USP8: variants seen among roughly 807,000 people sequenced by gnomAD.
USP8 encodes ubiquitin carboxyl-terminal hydrolase 8.
A neutral mutation model predicts 130.0 loss-of-function variants in USP8; 27 were observed. The ratio of observed to expected loss-of-function variants is 0.21; its 90% CI spans 0.15 to 0.29. USP8 has a LOEUF of 0.29. Ranked by LOEUF, USP8 falls within the 10% of genes least tolerant of loss-of-function variation. USP8 has a pLI of 1.00. For synonymous variants in USP8, 392 were observed against 444.1 expected, an observed-to-expected ratio of 0.88 and a Z score of 1.48; for missense variants, 1,029 against 1,312.2, an observed-to-expected ratio of 0.78 and a Z score of 3.33.
chr15:50,490,411 A>T lies in USP8; in HGVS notation c.2120A>T (p.Asp707Val). ...AAGCCACAGATTCCTGCTGAGCGGG[A>T]TAGGGAACCTTCCAAACTGAAGCGC... ...KAKPQIPAER[D>V]REPSKLKRSY... Residue 707 changes from aspartate (D) to valine (V), a missense_variant, in exon 14 of 20, where the codon GAT becomes GTT. Asp to Val is a radical substitution (Grantham distance 152, BLOSUM62 -3). Coordinates refer to ENST00000307179, the MANE Select transcript of USP8 (RefSeq NM_005154.5). The T allele has an allele frequency of 1.2e-6, 2 of 1,614,098 alleles. No homozygotes were observed. Among genetic ancestry groups the T allele is most frequent in the Non-Finnish European group, 8.5e-7 (1 of 1,180,016 alleles).
At chr15:50,428,417 T>G (rs1401726727) in intron 1 of USP8, among the ~76,000 whole-genome samples, 1 of 152,204 alleles carries the variant, frequency 6.6e-6, no homozygotes, top group African/African-American at 2.4e-5. Flanking sequence ...ACGCCGGGCC[T>G]ACAATTTAGT....
chr15:50,442,976 A>G (rs945770360), intron 3 of USP8, among the ~76,000 whole-genome samples: 2 of 152,274 alleles, frequency 1.3e-5, no homozygotes, highest in Admixed American at 6.5e-5. Flanking sequence ...ATTGGCTTCT[A>G]TTGTTTAAAT....
In USP8 at chr15:50,490,378, A is replaced by T; in HGVS notation, c.2087A>T (p.His696Leu). 1.2e-6 allele frequency: 2 copies of T among 1,613,816 alleles called. No homozygotes were observed. Among genetic ancestry groups the T allele is most frequent in the Non-Finnish European group, 1.7e-6 (2 of 1,179,862 alleles). Reference sequence around the variant, plus strand: ...GCACCTCCTTCCACCCCTCCAACTCATAAAGCCAAGCCACAGATTCCTGCT... The same window carrying T: ...GCACCTCCTTCCACCCCTCCAACTCTTAAAGCCAAGCCACAGATTCCTGCT... ...SSAPPSTPPT[H>L]KAKPQIPAER... The change falls in exon 14 of 20, where the codon CAT (histidine) becomes CTT (leucine). Residue 696 changes from histidine (H) to leucine (L), a missense_variant. Physicochemically the swap from His to Leu is moderately conservative, Grantham distance 99. Coordinates refer to ENST00000307179, the MANE Select transcript of USP8 (RefSeq NM_005154.5).
At chr15:50,473,151 G>A (rs2051437578) in intron 8 of USP8, among the ~76,000 whole-genome samples, 1 of 152,134 alleles carries the variant, frequency 6.6e-6, no homozygotes. Context: ...TAAAACGAGT[G>A]CCATTTTCAC....
Position 50,476,981 on chromosome 15 carries a change from G to C in USP8, c.982G>C (p.Val328Leu). The part of the protein sequence containing the change: ...TPPPRRQNEE[V>L]SISLDFTYPS... ...ACCCCCACGACGCCAGAATGAAGAG[G>C]TGTCTATCTCATGTATGTATGTGAA... Residue 328 changes from valine to leucine, a missense_variant, in exon 9 of 20, where the codon GTG becomes CTG. Physicochemically the swap from Val to Leu is conservative, Grantham distance 32. Coordinates refer to ENST00000307179, the MANE Select transcript of USP8 (RefSeq NM_005154.5). 6.2e-7 allele frequency: 1 copy of C among 1,606,068 alleles called. No homozygotes were observed. The highest frequency in any genetic ancestry group is 1.8e-5 in the Admixed American group (1 of 56,944).
chr15:50,463,754 A>G (rs1387055563), intron 6 of USP8, among the ~76,000 whole-genome samples: 1 of 152,212 alleles, frequency 6.6e-6, no homozygotes, highest in African/African-American at 2.4e-5. Context: ...GTCTTTTAGC[A>G]TAGGAGCTAC....
intron 12 of USP8, among the ~76,000 whole-genome samples, chr15:50,487,566 TC>T (rs1457606908): frequency 1.3e-5 from 2 of 152,174 alleles, no homozygotes; most frequent in Non-Finnish European, 2.9e-5. Flanking sequence ...ACAGCCAAGG[TC>T]TTTGGCAACA....
chr15:50,479,685 G>A (rs2051695012), intron 10 of USP8, among the ~76,000 whole-genome samples: 1 of 151,714 alleles, frequency 6.6e-6, no homozygotes, highest in Non-Finnish European at 1.5e-5. Context: ...AAAAGACAAA[G>A]GATTTTTTTT....
chr15:50,429,304 GT>G (rs34348433), intron 1 of USP8, among the ~76,000 whole-genome samples: 12,215 of 120,912 alleles, frequency 0.1, 540 homozygotes, highest in South Asian at 0.22. Context: ...TCCTGGAGGT[GT>G]TTTTTTTTTT....
intron 7 of USP8, among the ~76,000 whole-genome samples, chr15:50,469,864 G>A (rs557729650): frequency 3.7e-5 from 5 of 136,474 alleles, no homozygotes; most frequent in Non-Finnish European, 7.7e-5. Flanking sequence ...ACAGAGTCTC[G>A]CTCTTCACCC....
chr15:50,453,860 CTTTT>C lies in USP8; in HGVS notation c.335+4394_335+4397del, dbSNP rs71124355. On this transcript the variant is annotated intron_variant, in intron 4 of 19. Transcript: ENST00000307179. ...GTCCCTCTTTACCTCTGGGAATATT[CTTTT>C]TTTTTTTTTTTTTTTTTTGAGACAG... 3.4e-5 allele frequency among the ~76,000 whole-genome samples: 3 copies of C among 86,962 alleles called. No homozygotes were observed. In the East Asian group the frequency reaches 1.1e-3, roughly 32 times the overall value. 57.1% of individuals were successfully genotyped at this position (86,962 alleles called of 152,430 possible).
At chr15:50,475,707 A>G (rs1017393975) in intron 8 of USP8, among the ~76,000 whole-genome samples, 11 of 151,992 alleles carry the variant, frequency 7.2e-5, no homozygotes, top group African/African-American at 2.4e-4. Flanking sequence ...GGTTCAAGCG[A>G]TTCTCTTGCC....
rs1044605451 is a variant in USP8, at chr15:50,505,152, T to G, written c.*6064T>G. On this transcript the variant is annotated 3_prime_UTR_variant, in exon 20 of 20. Transcript: ENST00000307179. Reference sequence around the variant, plus strand: ...AATCGAGTAGGGGAGCAAGGCAATATTAAAAGTGATAATGGCTGAAAATGA... The same window carrying G: ...AATCGAGTAGGGGAGCAAGGCAATAGTAAAAGTGATAATGGCTGAAAATGA... The G allele has an allele frequency of 2.0e-5, 3 of 152,078 alleles. No individual in the cohort carries two copies. Among genetic ancestry groups the G allele is most frequent in the African/African-American group, 7.2e-5 (3 of 41,404 alleles). The allele number at this position is 152,078 out of a possible 1,614,324, so 9.4% of individuals were successfully genotyped here.
chr15:50,450,987 A>C (rs1324293915), intron 4 of USP8, among the ~76,000 whole-genome samples: 1 of 152,204 alleles, frequency 6.6e-6, no homozygotes. Flanking sequence ...AAAAACAGCA[A>C]ACTGAGAGCT....
intron 6 of USP8, 124 bp from the exon 7 acceptor site, chr15:50,464,923 T>C (rs1595941515): frequency 2.1e-6 from 2 of 948,488 alleles, no homozygotes; most frequent in Non-Finnish European, 3.1e-6. Context: ...GTAGTAAATA[T>C]GTGGCATCCA....
In USP8 at chr15:50,509,915, A is replaced by G. The variant is rs1191109697; in HGVS notation, c.*10827A>G. The G allele has an allele frequency of 6.6e-6, 1 of 152,130 alleles. No homozygotes were observed. The highest frequency in any genetic ancestry group is 6.5e-5 in the Admixed American group (1 of 15,268). 9.4% of individuals were successfully genotyped at this position (152,130 alleles called of 1,614,324 possible). A position where few individuals can be genotyped will look rare whatever the true frequency, so the allele number is the denominator to read the frequency against. On this transcript the variant is annotated 3_prime_UTR_variant, in exon 20 of 20. Coordinates refer to ENST00000307179, the MANE Select transcript of USP8 (RefSeq NM_005154.5). The stretch of plus-strand genomic sequence containing the variant: ...GGAATAATCGAAATACTACTGAAAA[A>G]TAAGAATAAAGTTGTGATGGTAATG...
At chr15:50,446,320 C>T (rs1417217684) in intron 3 of USP8, among the ~76,000 whole-genome samples, 1 of 152,150 alleles carries the variant, frequency 6.6e-6, no homozygotes, top group East Asian at 1.9e-4. Context: ...GACAGGAAAT[C>T]TCACTAATAT....
intron 4 of USP8, among the ~76,000 whole-genome samples, chr15:50,456,731 C>A (rs1184319390): frequency 6.7e-6 from 1 of 149,838 alleles, no homozygotes; most frequent in African/African-American, 2.4e-5. Context: ...ACTAAAAATG[C>A]AAAAATTAGC....
chr15:50,498,891 T>C lies in USP8; in HGVS notation c.3172-12T>C. 2 of 1,574,548 alleles carry C rather than the reference T, an allele frequency of 1.3e-6. No individual in the cohort carries two copies. Among genetic ancestry groups the C allele is most frequent in the Admixed American group, 1.9e-5 (1 of 51,566 alleles). The stretch of plus-strand genomic sequence containing the variant: ...ACTGAATTGATTTTTTTTTCTATCT[T>C]GTTTGGCACAGAATCACTACGGTGG... On this transcript the variant is annotated splice_polypyrimidine_tract_variant and intron_variant, in intron 19 of 19. Coordinates refer to ENST00000307179, the MANE Select transcript of USP8 (RefSeq NM_005154.5).
Sources: gnomAD v4.1 joint callset for allele counts (sites outside exome capture counted in the v4.1 genomes callset) on GRCh38, gnomAD v4.1.1 for gene constraint, MANE v1.5 for transcripts, NCBI Gene and HGNC (gene_info 2026-07-23, HGNC 2026-07-21) for gene names.